ARL15: variants seen among roughly 807,000 people sequenced by gnomAD.
The protein encoded by ARL15 is ADP-ribosylation factor-like protein 15.
Under a neutral mutation model 25.2 loss-of-function variants are expected in ARL15, and 19 were observed. The observed-to-expected ratio is 0.75, with a 90% CI of 0.53 to 1.10. ARL15 has a LOEUF of 1.10. Ranked by LOEUF, ARL15 falls within the 50% of genes least tolerant of loss-of-function variation. ARL15 has a pLI of 0.00. For synonymous variants in ARL15, 94 were observed against 86.8 expected (o/e 1.08, Z -0.46); for missense variants, 220 against 246.0 (o/e 0.89, Z 0.71).
At chr5:53,914,086 A>G (rs898907209) in intron 4 of ARL15, among the ~76,000 whole-genome samples, 4 of 151,992 alleles carry the variant, frequency 2.6e-5, no homozygotes, top group Non-Finnish European at 5.9e-5. Flanking sequence ...TATATATACC[A>G]GAGAGTGGAC....
intron 4 of ARL15, among the ~76,000 whole-genome samples, chr5:54,068,411 T>C (rs561068395): frequency 6.6e-6 from 1 of 152,192 alleles, no homozygotes; most frequent in Non-Finnish European, 1.5e-5. Flanking sequence ...GTATCCAACA[T>C]TTATGGAAAA....
At chr5:54,196,990 T>A (rs1012458852) in intron 1 of ARL15, among the ~76,000 whole-genome samples, 1 of 152,158 alleles carries the variant, frequency 6.6e-6, no homozygotes, top group African/African-American at 2.4e-5. Flanking sequence ...AAGAATATAC[T>A]AGTCAATATA....
Position 54,183,186 on chromosome 5 carries a change from G to T in ARL15, c.49-11258C>A, listed in dbSNP as rs1755114756. ...CCCCAGCCAGAACTTCCAACACTAT[G>T]TTGAATAGGAGCGGTGAGAGAGGGT... On this transcript the variant is annotated intron_variant, in intron 1 of 4. Coordinates refer to ENST00000504924, the MANE Select transcript of ARL15 (RefSeq NM_019087.3). Among the ~76,000 whole-genome samples, 3 of 88,338 alleles carry T rather than the reference G, an allele frequency of 3.4e-5. No homozygotes were observed. The South Asian group carries it at 1.3e-3, about 39-fold the overall frequency. The allele number at this position is 88,338 out of a possible 152,430, so 58.0% of individuals were successfully genotyped here.
chr5:54,200,957 C>T (rs1755707125), intron 1 of ARL15, among the ~76,000 whole-genome samples: 1 of 152,144 alleles, frequency 6.6e-6, no homozygotes, highest in African/African-American at 2.4e-5. Flanking sequence ...TTTACTTTCA[C>T]CACTTTTTTG....
At chr5:54,172,473 T>C (rs1175708784) in intron 1 of ARL15, among the ~76,000 whole-genome samples, 12 of 152,098 alleles carry the variant, frequency 7.9e-5, no homozygotes, top group Admixed American at 7.9e-4. Context: ...ACACTGAATA[T>C]AGACTGCATA....
At chr5:54,041,889 T>C (rs540261608) in intron 4 of ARL15, among the ~76,000 whole-genome samples, 19 of 152,164 alleles carry the variant, frequency 1.2e-4, no homozygotes, top group Non-Finnish European at 2.2e-4. Flanking sequence ...CAAAGGATTG[T>C]TTGGTAAAAA....
At chr5:53,976,952 T>C (rs1361252246) in intron 4 of ARL15, among the ~76,000 whole-genome samples, 2 of 152,258 alleles carry the variant, frequency 1.3e-5, no homozygotes, top group African/African-American at 2.4e-5. Flanking sequence ...CATTTGTTCT[T>C]GTTTTTATAA....
At chr5:54,019,291 G>A (rs950273340) in intron 4 of ARL15, among the ~76,000 whole-genome samples, 5 of 151,888 alleles carry the variant, frequency 3.3e-5, no homozygotes, top group Admixed American at 2.0e-4. Context: ...GTAAGTAAAC[G>A]ACGTATTGTT....
At chr5:53,925,997 CTTTTTTTT>C (rs70986651) in intron 4 of ARL15, among the ~76,000 whole-genome samples, 1 of 122,796 alleles carries the variant, frequency 8.1e-6, no homozygotes, top group African/African-American at 3.0e-5. Flanking sequence ...TTTTTTCTTT[CTTTTTTTT>C]TTTTTTTTTT....
At chr5:53,950,213 G>A (rs1376557172) in intron 4 of ARL15, among the ~76,000 whole-genome samples, 1 of 151,344 alleles carries the variant, frequency 6.6e-6, no homozygotes, top group South Asian at 2.1e-4. Flanking sequence ...AGAAATGCTT[G>A]AGGCCAGGAG....
chr5:54,226,215 G>A (rs26773), intron 1 of ARL15, among the ~76,000 whole-genome samples: 78,919 of 151,960 alleles, frequency 0.52, 20,824 homozygotes, highest in Middle Eastern at 0.69. Flanking sequence ...GGTTGAGCAG[G>A]GAAGGAAGGA....
intron 4 of ARL15, among the ~76,000 whole-genome samples, chr5:53,926,206 C>G (rs1263570260): frequency 6.6e-6 from 1 of 152,014 alleles, no homozygotes; most frequent in Non-Finnish European, 1.5e-5. Flanking sequence ...GATACTAAAG[C>G]CATTCAGAGA....
intron 4 of ARL15, among the ~76,000 whole-genome samples, chr5:53,939,053 G>T (rs1414025433): frequency 1.3e-5 from 2 of 152,066 alleles, no homozygotes; most frequent in Non-Finnish European, 2.9e-5. Context: ...TCACCCAAAA[G>T]ATATCTTGGT....
At chr5:54,110,263 G>A (rs1253646955) in intron 4 of ARL15, among the ~76,000 whole-genome samples, 7 of 151,972 alleles carry the variant, frequency 4.6e-5, no homozygotes, top group Non-Finnish European at 1.0e-4. Context: ...GAGTCCCACT[G>A]ATAATTTGAC....
At position 54,167,039 on chromosome 5, in the gene ARL15, G is replaced by A. The variant is rs571642373; in HGVS notation, c.193+4745C>T. On this transcript the variant is annotated intron_variant, in intron 2 of 4. Coordinates refer to ENST00000504924, the MANE Select transcript of ARL15 (RefSeq NM_019087.3). ...GAGTCCAGAGTGGTACTCCACTTAC[G>A]GCTGACCTTGCCAAGTACTCTACCC... 3.7e-4 allele frequency among the ~76,000 whole-genome samples: 56 copies of A among 152,166 alleles called. No individual in the cohort carries two copies. The South Asian group carries it at 0.011, about 31-fold the overall frequency.
intron 4 of ARL15, among the ~76,000 whole-genome samples, chr5:53,888,458 A>T (rs989335013): frequency 6.6e-6 from 1 of 151,848 alleles, no homozygotes; most frequent in African/African-American, 2.4e-5. Context: ...TTTTTAAAAA[A>T]TCTTCTGTAG....
At chr5:53,910,633 T>TATATATA (rs1491507286) in intron 4 of ARL15, among the ~76,000 whole-genome samples, 11 of 54,992 alleles carry the variant, frequency 2.0e-4, no homozygotes, top group African/African-American at 7.4e-4. Context: ...TAAAAAAAAA[T>TATATATA]TATATATATA....
intron 4 of ARL15, among the ~76,000 whole-genome samples, chr5:54,027,347 CA>C (rs1430604960): frequency 2.6e-5 from 4 of 152,188 alleles, no homozygotes; most frequent in Admixed American, 2.6e-4. Flanking sequence ...AGTCGGAAGG[CA>C]ATTGTGAATG....
intron 1 of ARL15, among the ~76,000 whole-genome samples, chr5:54,187,726 A>G (rs1010573684): frequency 2.6e-5 from 4 of 152,206 alleles, no homozygotes; most frequent in Admixed American, 2.6e-4. Flanking sequence ...ACATTATTAC[A>G]TGTAAGAAGA....
Sources: gnomAD v4.1 joint callset for allele counts (sites outside exome capture counted in the v4.1 genomes callset) on GRCh38, gnomAD v4.1.1 for gene constraint, MANE v1.5 for transcripts, NCBI Gene and HGNC (gene_info 2026-07-23, HGNC 2026-07-21) for gene names.